Variants in RBFOX1 observed in about 807,000 individuals in gnomAD.
RBFOX1 encodes the protein RNA binding protein fox-1 homolog 1.
Under a neutral mutation model 57.7 loss-of-function variants are expected in RBFOX1, and 8 were observed. The ratio of observed to expected loss-of-function variants is 0.14; its 90% CI spans 0.08 to 0.25. The LOEUF (loss-of-function observed/expected upper bound fraction) is 0.25. Among genes scored for constraint, RBFOX1 ranks in the 10% least tolerant of loss-of-function variants. RBFOX1 has a pLI of 1.00. For synonymous variants in RBFOX1, 326 were observed against 222.4 expected, an observed-to-expected ratio of 1.47 and a Z score of -4.15; for missense variants, 611 against 548.5, an observed-to-expected ratio of 1.11 and a Z score of -1.14.
intron 4 of RBFOX1, among the ~76,000 whole-genome samples, chr16:7,184,609 A>G (rs986078643): frequency 6.6e-5 from 10 of 152,206 alleles, no homozygotes; most frequent in African/African-American, 2.4e-4. Flanking sequence ...CAGTATGGCA[A>G]GTTGGAATTC....
intron 3 of RBFOX1, among the ~76,000 whole-genome samples, chr16:5,680,467 C>CT (rs2050298545): frequency 6.6e-6 from 1 of 152,194 alleles, no homozygotes; most frequent in African/African-American, 2.4e-5. Flanking sequence ...TGCTCTTCCT[C>CT]TTTAAAGACT....
At chr16:7,577,679 G>T (rs545554047) in intron 5 of RBFOX1, among the ~76,000 whole-genome samples, 17 of 152,318 alleles carry the variant, frequency 1.1e-4, no homozygotes, top group Admixed American at 4.6e-4. Flanking sequence ...AGAGGCAGGA[G>T]GATCACTTGA....
At chr16:6,880,421 C>T (rs547980480) in intron 3 of RBFOX1, among the ~76,000 whole-genome samples, 1 of 152,130 alleles carries the variant, frequency 6.6e-6, no homozygotes, top group Admixed American at 6.6e-5. Flanking sequence ...ACATGTGACC[C>T]AGGTGCAGCC....
At chr16:7,248,693 G>C (rs2153006382) in intron 4 of RBFOX1, among the ~76,000 whole-genome samples, 1 of 152,260 alleles carries the variant, frequency 6.6e-6, no homozygotes, top group South Asian at 2.1e-4. Context: ...TAAGCACCAA[G>C]AAAATTAGAG....
intron 4 of RBFOX1, among the ~76,000 whole-genome samples, chr16:7,198,843 T>A (rs764995141): frequency 6.6e-6 from 1 of 152,204 alleles, no homozygotes; most frequent in South Asian, 2.1e-4. Flanking sequence ...GGGGGACACA[T>A]TGAAACCATA....
At chr16:7,292,531 T>TACACACACACAC (rs35731542) in intron 4 of RBFOX1, among the ~76,000 whole-genome samples, 152 of 139,060 alleles carry the variant, frequency 1.1e-3, no homozygotes, top group African/African-American at 3.7e-3. Flanking sequence ...ACTATATGTA[T>TACACACACACAC]ACACACACAC....
At chr16:6,336,735 GCA>G (rs2083819191) in intron 2 of RBFOX1, among the ~76,000 whole-genome samples, 1 of 152,140 alleles carries the variant, frequency 6.6e-6, no homozygotes, top group African/African-American at 2.4e-5. Flanking sequence ...GAGACAGTTT[GCA>G]CAGCAGGACA....
intron 2 of RBFOX1, among the ~76,000 whole-genome samples, chr16:6,394,247 C>A (rs570519913): frequency 1.3e-5 from 2 of 152,086 alleles, no homozygotes; most frequent in African/African-American, 2.4e-5. Flanking sequence ...TTTGTTTGCT[C>A]ATCTGAAAAC....
chr16:6,313,421 T>A (rs2080631529), intron 1 of RBFOX1, among the ~76,000 whole-genome samples: 1 of 152,188 alleles, frequency 6.6e-6, no homozygotes. Context: ...ATTCATTGCC[T>A]GGGGAAGTCT....
intron 3 of RBFOX1, among the ~76,000 whole-genome samples, chr16:7,023,166 G>T (rs769575941): frequency 6.6e-6 from 1 of 152,088 alleles, no homozygotes; most frequent in Non-Finnish European, 1.5e-5. Context: ...TGCAGAAGGA[G>T]GGAGGTAATG....
chr16:7,076,691 A>G (rs537200021), intron 4 of RBFOX1, among the ~76,000 whole-genome samples: 2 of 152,340 alleles, frequency 1.3e-5, no homozygotes, highest in Admixed American at 1.3e-4. Flanking sequence ...AGTGTAAACA[A>G]TTCTAAATAC....
intron 3 of RBFOX1, among the ~76,000 whole-genome samples, chr16:6,657,690 A>G (rs1425484923): frequency 3.3e-5 from 5 of 152,194 alleles, no homozygotes; most frequent in African/African-American, 9.6e-5. Flanking sequence ...AGTGGAATTG[A>G]AGTGACAAGA....
chr16:5,665,075 A>G (rs1274899744), intron 3 of RBFOX1, among the ~76,000 whole-genome samples: 1 of 145,532 alleles, frequency 6.9e-6, no homozygotes, highest in African/African-American at 2.6e-5. Context: ...GCTCCCGAGT[A>G]GCTGAGACCA....
chr16:5,636,510 T>G (rs111944786), intron 3 of RBFOX1, among the ~76,000 whole-genome samples: 1 of 151,854 alleles, frequency 6.6e-6, no homozygotes, highest in African/African-American at 2.4e-5. Flanking sequence ...TAACGTTTTA[T>G]TGGCTGGGTC....
chr16:7,263,391 T>C (rs75822187), intron 4 of RBFOX1, among the ~76,000 whole-genome samples: 12,372 of 152,160 alleles, frequency 0.081, 523 homozygotes, highest in South Asian at 0.12. Flanking sequence ...TAGAAGACAT[T>C]GATTCTCAAC....
intron 2 of RBFOX1, among the ~76,000 whole-genome samples, chr16:5,587,297 G>T (rs1304447951): frequency 6.6e-6 from 1 of 152,170 alleles, no homozygotes; most frequent in African/African-American, 2.4e-5. Context: ...CTCCAAAGAA[G>T]ATTCACAAAT....
At chr16:5,582,649 C>T (rs2046709708) in intron 2 of RBFOX1, among the ~76,000 whole-genome samples, 1 of 142,040 alleles carries the variant, frequency 7.0e-6, no homozygotes, top group African/African-American at 2.6e-5. Flanking sequence ...CTCCTGTGTT[C>T]AAATGATTTT....
chr16:6,303,532 TGTACTGAG>T (rs2079077195), intron 1 of RBFOX1, among the ~76,000 whole-genome samples: 1 of 152,152 alleles, frequency 6.6e-6, no homozygotes. Flanking sequence ...TATCACACTA[TGTACTGAG>T]GGTTTGCTTT....
At chr16:5,957,684 G>C (rs1322430090) in intron 4 of RBFOX1, among the ~76,000 whole-genome samples, 1 of 152,062 alleles carries the variant, frequency 6.6e-6, no homozygotes, top group African/African-American at 2.4e-5. Flanking sequence ...TTGGAATTTT[G>C]TGGGTACACA....
Sources: gnomAD v4.1 joint callset for allele counts (sites outside exome capture counted in the v4.1 genomes callset) on GRCh38, gnomAD v4.1.1 for gene constraint, MANE v1.5 for transcripts, NCBI Gene and HGNC (gene_info 2026-07-23, HGNC 2026-07-21) for gene names.